STK3: variants seen among roughly 807,000 people sequenced by gnomAD.
STK3 encodes serine/threonine kinase 3, also known as serine/threonine-protein kinase 3.
STK3 carries 41 observed loss-of-function variants against 58.0 expected under a neutral mutation model. The observed-to-expected ratio is 0.71, with a 90% confidence interval of 0.55 to 0.92. The LOEUF is 0.92. Among genes scored for constraint, STK3 ranks in the 40% least tolerant of loss-of-function variants. The pLI is 0.00. For missense variants in STK3, 479 were observed against 602.7 expected (o/e 0.79, Z 2.15); for synonymous variants, 170 against 191.0 (o/e 0.89, Z 0.91).
At chr8:98,854,118 GA>G (rs1836580024) in intron 3 of STK3, among the ~76,000 whole-genome samples, 1 of 152,018 alleles carries the variant, frequency 6.6e-6, no homozygotes, top group Non-Finnish European at 1.5e-5. Flanking sequence ...TGGAAAGGAA[GA>G]AGTAAAACTA....
chr8:98,838,706 T>C (rs1249456333), intron 3 of STK3, among the ~76,000 whole-genome samples: 1 of 152,168 alleles, frequency 6.6e-6, no homozygotes, highest in Non-Finnish European at 1.5e-5. Context: ...GGAGGAATTG[T>C]ATGCATATTA....
In STK3 at chr8:98,677,103, T is replaced by C. The variant is rs369847667; in HGVS notation, c.684+29364A>G. Among the ~76,000 whole-genome samples, 8 of 152,308 alleles carry C rather than the reference T, an allele frequency of 5.3e-5. No individual in the cohort carries two copies. In the South Asian group the frequency reaches 8.3e-4, roughly 16 times the overall value. On this transcript the variant is annotated intron_variant, in intron 6 of 10. Transcript: ENST00000419617. ...CCAGGGCAGGAGCAGGTTATAGACA[T>C]AGTATGCTTAAATCTACTTTCCCCA...
chr8:98,586,041 G>A (rs949626952), intron 7 of STK3, among the ~76,000 whole-genome samples: 1 of 152,142 alleles, frequency 6.6e-6, no homozygotes, highest in Admixed American at 6.5e-5. Context: ...GTCATCAGCA[G>A]ACAGGGACAA....
chr8:98,791,082 C>G (rs1156902185), intron 1 of STK3, among the ~76,000 whole-genome samples: 1 of 151,974 alleles, frequency 6.6e-6, no homozygotes, highest in African/African-American at 2.4e-5. Context: ...TAAAGACTCC[C>G]ACAGAAAGCT....
intron 6 of STK3, among the ~76,000 whole-genome samples, chr8:98,643,612 C>G (rs1280551535): frequency 6.6e-6 from 1 of 152,168 alleles, no homozygotes; most frequent in Non-Finnish European, 1.5e-5. Context: ...CTAACCCAAC[C>G]AGAATATAAA....
intron 6 of STK3, among the ~76,000 whole-genome samples, chr8:98,612,396 T>C (rs556904637): frequency 6.7e-6 from 1 of 149,856 alleles, no homozygotes; most frequent in South Asian, 2.1e-4. Flanking sequence ...TATATATATA[T>C]ATACACACAC....
intron 9 of STK3, among the ~76,000 whole-genome samples, chr8:98,532,477 A>G (rs1019836400): frequency 6.6e-6 from 1 of 152,176 alleles, no homozygotes; most frequent in African/African-American, 2.4e-5. Flanking sequence ...AGTGTAACAG[A>G]CATAATAATG....
At chr8:98,664,288 C>T (rs976514449) in intron 6 of STK3, among the ~76,000 whole-genome samples, 1 of 152,178 alleles carries the variant, frequency 6.6e-6, no homozygotes, top group African/African-American at 2.4e-5. Context: ...AGGGGATCAG[C>T]ACTTAATCGC....
chr8:98,841,044 G>A (rs1278255688), intron 3 of STK3, among the ~76,000 whole-genome samples: 3 of 152,226 alleles, frequency 2.0e-5, no homozygotes, highest in Non-Finnish European at 2.9e-5. Context: ...CCATGTGGCC[G>A]TCTCTAGAGG....
At chr8:98,789,372 C>T (rs1046748739) in intron 1 of STK3, among the ~76,000 whole-genome samples, 6 of 151,896 alleles carry the variant, frequency 4.0e-5, no homozygotes, top group African/African-American at 1.5e-4. Flanking sequence ...ACAAACCAAA[C>T]CCAAACCCAG....
intron 1 of STK3, among the ~76,000 whole-genome samples, chr8:98,382,524 A>G (rs549061298): frequency 2.0e-5 from 3 of 152,250 alleles, no homozygotes; most frequent in Admixed American, 6.5e-5. Context: ...TCCAGCCCAG[A>G]AACAAGTCTT....
At chr8:98,695,628 C>G (rs1824839468) in intron 6 of STK3, among the ~76,000 whole-genome samples, 1 of 152,156 alleles carries the variant, frequency 6.6e-6, no homozygotes, top group Non-Finnish European at 1.5e-5. Context: ...GCTTGTTTTT[C>G]TCAGGTTTCT....
At chr8:98,864,889 T>C (rs1837076594) in intron 3 of STK3, among the ~76,000 whole-genome samples, 1 of 152,150 alleles carries the variant, frequency 6.6e-6, no homozygotes. Flanking sequence ...ACTCCTTCTA[T>C]TACAGCTACA....
chr8:98,372,933 C>A (rs1030067653), intron 2 of STK3, among the ~76,000 whole-genome samples: 7 of 152,192 alleles, frequency 4.6e-5, no homozygotes, highest in Admixed American at 4.6e-4. Context: ...AGATAATGTG[C>A]ATGAAGTAAC....
At chr8:98,370,238 A>T (rs1163416451), downstream of STK3, among the ~76,000 whole-genome samples, 3 of 151,514 alleles carry the variant, frequency 2.0e-5, no homozygotes, top group Admixed American at 1.3e-4. Context: ...GGCTGAAGTG[A>T]CTTCAGCATT....
chr8:98,583,980 C>A (rs1020902992), intron 7 of STK3, among the ~76,000 whole-genome samples: 5 of 151,910 alleles, frequency 3.3e-5, no homozygotes, highest in Non-Finnish European at 5.9e-5. Context: ...TCAACCTAAA[C>A]CTTCTCTCTG....
chr8:98,750,498 C>T (rs1829904656), intron 3 of STK3, among the ~76,000 whole-genome samples: 1 of 150,598 alleles, frequency 6.6e-6, no homozygotes, highest in Non-Finnish European at 1.5e-5. Context: ...TAAAAGAACA[C>T]GTAGAGACTC....
At chr8:98,408,003 C>T (rs552532219) in intron 3 of STK3, among the ~76,000 whole-genome samples, 9 of 152,316 alleles carry the variant, frequency 5.9e-5, no homozygotes, top group Admixed American at 5.9e-4. Context: ...TGATCAAACC[C>T]ACTTCATCGG....
chr8:98,451,465 A>T (rs1449883788), downstream of STK3, among the ~76,000 whole-genome samples: 1 of 152,204 alleles, frequency 6.6e-6, no homozygotes, highest in African/African-American at 2.4e-5. Flanking sequence ...GTTCATTCTC[A>T]ACTTGGCAAA....
Sources: allele counts gnomAD v4.1 joint callset (sites outside exome capture counted in the v4.1 genomes callset), GRCh38; gene constraint gnomAD v4.1.1; transcripts MANE v1.5; gene names NCBI Gene and HGNC (gene_info 2026-07-23, HGNC 2026-07-21).